The following ADAM22 variants were observed in gnomAD, a reference collection of about 807,000 sequenced individuals.
ADAM22 encodes the protein disintegrin and metalloproteinase domain-containing protein 22.
A neutral mutation model predicts 144.6 loss-of-function variants in ADAM22; 65 were observed. That is an observed-to-expected ratio of 0.45 (90% CI 0.37 to 0.55). ADAM22 has a LOEUF of 0.55. ADAM22 is among the 20% of genes least tolerant of loss of function. ADAM22 has a pLI of 0.00. For synonymous variants in ADAM22, 391 were observed against 412.6 expected (o/e 0.95, Z 0.63); for missense variants, 974 against 1,184.9 (o/e 0.82, Z 2.61).
chr7:88,190,962 T>C (rs978589790), intron 30 of ADAM22, among the ~76,000 whole-genome samples: 2 of 151,986 alleles, frequency 1.3e-5, no homozygotes, highest in Non-Finnish European at 2.9e-5. Flanking sequence ...TATTCTTTAC[T>C]TCTATTTTGA....
intron 4 of ADAM22, among the ~76,000 whole-genome samples, chr7:88,081,953 C>T (rs1178514230): frequency 6.6e-6 from 1 of 151,680 alleles, no homozygotes; most frequent in African/African-American, 2.4e-5. Flanking sequence ...CATCAAGCTA[C>T]CAATGACTTT....
intron 3 of ADAM22, among the ~76,000 whole-genome samples, chr7:88,034,568 C>T (rs926261408): frequency 6.6e-6 from 1 of 152,110 alleles, no homozygotes; most frequent in African/African-American, 2.4e-5. Flanking sequence ...AACTTGAGTG[C>T]CCCCAAGTCC....
At chr7:88,051,347 T>C (rs2129474181) in intron 3 of ADAM22, among the ~76,000 whole-genome samples, 1 of 152,292 alleles carries the variant, frequency 6.6e-6, no homozygotes, top group Non-Finnish European at 1.5e-5. Context: ...GTGGCACATA[T>C]ACACCATGGA....
chr7:88,111,791 A>T (rs1826112734), intron 5 of ADAM22, among the ~76,000 whole-genome samples: 1 of 152,182 alleles, frequency 6.6e-6, no homozygotes, highest in Non-Finnish European at 1.5e-5. Context: ...CATATAAAAC[A>T]CATGTATTTT....
chr7:88,142,993 G>C (rs747287726), intron 14 of ADAM22, 33 bp from the exon 15 acceptor site: 1 of 1,370,442 alleles, frequency 7.3e-7, no homozygotes, highest in Non-Finnish European at 1.0e-6. Context: ...AAGATGAGTT[G>C]AACCCAGCTA....
intron 17 of ADAM22, 120 bp from the exon 18 acceptor site, chr7:88,148,857 C>A: frequency 3.0e-6 from 2 of 676,448 alleles, no homozygotes; most frequent in Non-Finnish European, 4.9e-6. Flanking sequence ...GACAGATTAC[C>A]ATCTTACAGT....
rs963024109 is a variant in ADAM22 at position 88,199,065 on chromosome 7, C to T, written c.*2574C>T. ...GTTTCAAGAAGTATCTATATGTATACTCATGGTTGGGGTTCTAGAGGCATT... is the reference window on the plus strand; with the variant it reads ...GTTTCAAGAAGTATCTATATGTATATTCATGGTTGGGGTTCTAGAGGCATT... On this transcript the variant is annotated 3_prime_UTR_variant, in exon 32 of 32. Transcript: ENST00000413139. 3 of 152,122 alleles carry T rather than the reference C, an allele frequency of 2.0e-5. No homozygotes were observed. Among genetic ancestry groups the T allele is most frequent in the Non-Finnish European group, 2.9e-5 (2 of 68,024 alleles). 9.4% of individuals were successfully genotyped at this position (152,122 alleles called of 1,614,324 possible).
Position 88,186,809 on chromosome 7 carries a change from G to A in ADAM22, c.2750+108G>A. ...GTATCTCCCAATACAAGTTCCTATA[G>A]GTGGAAAGGGGTCCTTGTTTATTTG... is the stretch of plus-strand genomic sequence containing the variant. On this transcript the variant is annotated intron_variant, in intron 30 of 31. Transcript: ENST00000413139. The A allele has an allele frequency of 1.8e-5, 12 of 672,176 alleles. 1 individual carries two copies. In the South Asian group the frequency reaches 1.9e-4, roughly 11 times the overall value. The allele number at this position is 672,176 out of a possible 1,614,324, so 41.6% of individuals were successfully genotyped here. A position where few individuals can be genotyped will look rare whatever the true frequency, so the allele number is the denominator to read the frequency against.
intron 1 of ADAM22, 127 bp from the exon 2 acceptor site, chr7:87,934,899 C>T (rs1347046711): frequency 7.3e-7 from 1 of 1,365,230 alleles, no homozygotes; most frequent in Non-Finnish European, 1.0e-6. Context: ...AGTTGGGTTC[C>T]GAGAGGGAGG....
intron 3 of ADAM22, among the ~76,000 whole-genome samples, chr7:87,991,127 A>T (rs1789735226): frequency 1.3e-5 from 2 of 152,208 alleles, no homozygotes; most frequent in Admixed American, 1.3e-4. Context: ...ACATGACCCT[A>T]TTAATCTTTA....
intron 4 of ADAM22, among the ~76,000 whole-genome samples, chr7:88,088,065 CAG>C (rs1818879545): frequency 6.6e-6 from 1 of 152,106 alleles, no homozygotes. Context: ...GGGCAGTTGT[CAG>C]AGGAGAAAGG....
rs1853443601 is a variant in ADAM22 at position 87,981,606 on chromosome 7, G to A, written c.323+3194G>A. On this transcript the variant is annotated intron_variant, in intron 3 of 31. Transcript: ENST00000413139. Reference sequence around the variant, plus strand: ...GTTAGACAAGGAACACCCAAATTCTGTTTAAAAGAGAACATTCAGTCTTGC... The same window carrying A: ...GTTAGACAAGGAACACCCAAATTCTATTTAAAAGAGAACATTCAGTCTTGC... Among the ~76,000 whole-genome samples, 3 of 152,068 alleles carry A rather than the reference G, an allele frequency of 2.0e-5. No homozygotes were observed. In the South Asian group the frequency reaches 6.2e-4, roughly 32 times the overall value.
chr7:87,994,997 T>G (rs1454775781), intron 3 of ADAM22, among the ~76,000 whole-genome samples: 1 of 152,050 alleles, frequency 6.6e-6, no homozygotes, highest in Non-Finnish European at 1.5e-5. Context: ...CTGGCTAATT[T>G]TTTTTTGTAT....
In ADAM22 at chr7:87,974,442, C is replaced by T. The variant is rs117613837; in HGVS notation, c.247-3894C>T. Among the ~76,000 whole-genome samples, 797 of 152,260 alleles carry T rather than the reference C, an allele frequency of 5.2e-3. 11 individuals are homozygous for T. Among genetic ancestry groups the T allele is most frequent in the East Asian group, 0.046 (239 of 5,186 alleles). On this transcript the variant is annotated intron_variant, in intron 2 of 31. Transcript: ENST00000413139. ...ACAGAAAATGCGAAGAAACCAGGCT[C>T]ACATTTATTTTAGTGACCACCACTG...
At position 88,114,500 on chromosome 7, in the gene ADAM22, C is replaced by T; in HGVS notation, c.474-84C>T. On this transcript the variant is annotated intron_variant, in intron 5 of 31. Transcript: ENST00000413139. ...ATGGGCATTGAGAAGCAAATGGGCC[C>T]TCTGGCTGCTGCTGATTTTAAAATG... The T allele has an allele frequency of 3.0e-6, 4 of 1,330,138 alleles. No homozygotes were observed. The Admixed American group carries it at 6.8e-5, about 23-fold the overall frequency. The allele number at this position is 1,330,138 out of a possible 1,614,324, so 82.4% of individuals were successfully genotyped here. A position where few individuals can be genotyped will look rare whatever the true frequency, so the allele number is the denominator to read the frequency against.
At chr7:88,185,269 C>G (rs1848031046) in intron 29 of ADAM22, among the ~76,000 whole-genome samples, 2 of 152,284 alleles carry the variant, frequency 1.3e-5, no homozygotes, top group South Asian at 4.1e-4. Context: ...GAAAAAGCAA[C>G]TGAACCCTTC....
intron 2 of ADAM22, among the ~76,000 whole-genome samples, chr7:87,963,835 G>T (rs1201618814): frequency 6.6e-6 from 1 of 152,120 alleles, no homozygotes; most frequent in East Asian, 1.9e-4. Flanking sequence ...TTGGGGTCAA[G>T]TTCAATGAGC....
At chr7:87,981,244 A>C (rs1461019012) in intron 3 of ADAM22, among the ~76,000 whole-genome samples, 1 of 152,162 alleles carries the variant, frequency 6.6e-6, no homozygotes, top group Non-Finnish European at 1.5e-5. Flanking sequence ...TATGATGTGA[A>C]ATATATAACA....
chr7:88,015,224 A>G (rs1796297641), intron 3 of ADAM22, among the ~76,000 whole-genome samples: 1 of 152,246 alleles, frequency 6.6e-6, no homozygotes, highest in Admixed American at 6.5e-5. Context: ...AGTTGATTTG[A>G]ACCCTAATAA....
Sources: gnomAD v4.1 joint callset for allele counts (sites outside exome capture counted in the v4.1 genomes callset) on GRCh38, gnomAD v4.1.1 for gene constraint, MANE v1.5 for transcripts, NCBI Gene and HGNC (gene_info 2026-07-23, HGNC 2026-07-21) for gene names.